Variants in TBC1D5 observed in about 807,000 individuals in gnomAD.
TBC1D5 encodes TBC1 domain family member 5, also known as TBC1 domain family, member 5.
In TBC1D5, 75 loss-of-function variants were observed where a neutral mutation model predicts 100.3. The observed-to-expected ratio is 0.75, with a 90% confidence interval of 0.62 to 0.91. TBC1D5 has a LOEUF of 0.91. Among genes scored for constraint, TBC1D5 ranks in the 40% least tolerant of loss-of-function variants. TBC1D5 has a pLI of 0.00. For synonymous variants in TBC1D5, 323 were observed against 325.6 expected (o/e 0.99, Z 0.09); for missense variants, 910 against 942.4 (o/e 0.97, Z 0.45).
Position 17,451,950 on chromosome 3 carries a change from T to C in TBC1D5, c.98-23431A>G, listed in dbSNP as rs189048560. Among the ~76,000 whole-genome samples, 155 of 151,964 alleles carry C rather than the reference T, an allele frequency of 1.0e-3. 3 individuals carry two copies. The South Asian group carries it at 0.019, about 18-fold the overall frequency. On this transcript the variant is annotated intron_variant, in intron 3 of 21. Coordinates refer to ENST00000253692, the Ensembl canonical transcript of TBC1D5. ...AAGAAAAAAAATTACAAGAAGGTTATAGAACACCAAGCAGATTTAACCCAA... is the reference window on the plus strand; with the variant it reads ...AAGAAAAAAAATTACAAGAAGGTTACAGAACACCAAGCAGATTTAACCCAA...
At chr3:17,538,190 G>A (rs2096304453) in intron 2 of TBC1D5, among the ~76,000 whole-genome samples, 1 of 152,040 alleles carries the variant, frequency 6.6e-6, no homozygotes, top group Non-Finnish European at 1.5e-5. Flanking sequence ...TGAGGTGATA[G>A]TCAGGTGGTT....
chr3:17,270,049 T>A, intron 15 of TBC1D5, among the ~76,000 whole-genome samples: 1 of 152,216 alleles, frequency 6.6e-6, no homozygotes, highest in Admixed American at 6.5e-5. Flanking sequence ...GTTCTATTTT[T>A]AGTTCTTTGA....
At position 17,507,937 on chromosome 3, in the gene TBC1D5, G is replaced by A. The variant is rs558087938; in HGVS notation, c.97+537C>T. Among the ~76,000 whole-genome samples, 36 of 151,090 alleles carry A rather than the reference G, an allele frequency of 2.4e-4. No homozygotes were observed. In the South Asian group the frequency reaches 5.2e-3, roughly 22 times the overall value. On this transcript the variant is annotated intron_variant, in intron 3 of 21. Coordinates refer to ENST00000253692, the Ensembl canonical transcript of TBC1D5. The stretch of plus-strand genomic sequence containing the variant: ...TTTTTATAGGGTAGAACCTGAATAC[G>A]GTCTACATTTTAACTGTCTACCACT...
chr3:17,549,031 C>T (rs1255738212), intron 2 of TBC1D5, among the ~76,000 whole-genome samples: 2 of 152,210 alleles, frequency 1.3e-5, no homozygotes, highest in African/African-American at 4.8e-5. Flanking sequence ...GGCAGGGTGG[C>T]TCATGCCTGC....
Position 17,220,183 on chromosome 3 carries a change from G to T in TBC1D5, c.1589-5813C>A, listed in dbSNP as rs111459355. 5.8e-3 allele frequency among the ~76,000 whole-genome samples: 882 copies of T among 152,190 alleles called. 6 individuals are homozygous for T. Among genetic ancestry groups the T allele is most frequent in the Admixed American group, 0.013 (206 of 15,274 alleles). On this transcript the variant is annotated intron_variant, in intron 17 of 21. Coordinates refer to ENST00000253692, the Ensembl canonical transcript of TBC1D5. ...TCTACAAGGTAGAATTATATAAGTG[G>T]AACTGCTATGTATAACTATATGCAC...
chr3:17,452,909 T>C (rs1292425668), intron 3 of TBC1D5, among the ~76,000 whole-genome samples: 1 of 151,828 alleles, frequency 6.6e-6, no homozygotes, highest in Non-Finnish European at 1.5e-5. Context: ...AGACCATATG[T>C]TAGTTTACAA....
intron 1 of TBC1D5, among the ~76,000 whole-genome samples, chr3:17,683,135 T>C (rs542600858): frequency 2.4e-4 from 36 of 151,750 alleles, no homozygotes; most frequent in African/African-American, 8.0e-4. Flanking sequence ...TTTCTTGTCC[T>C]TTTTATGCAC....
intron 3 of TBC1D5, among the ~76,000 whole-genome samples, chr3:17,456,864 C>T (rs1056491462): frequency 2.0e-5 from 3 of 152,124 alleles, no homozygotes; most frequent in Non-Finnish European, 2.9e-5. Context: ...ACCACAAAAA[C>T]ATTTTGTTAA....
At chr3:17,612,372 T>C (rs1054745690) in intron 2 of TBC1D5, among the ~76,000 whole-genome samples, 7 of 150,796 alleles carry the variant, frequency 4.6e-5, no homozygotes, top group African/African-American at 1.7e-4. Flanking sequence ...CTCATACCTG[T>C]AACCCCAGCA....
chr3:17,191,478 C>T (rs1038505318), intron 18 of TBC1D5, among the ~76,000 whole-genome samples: 13 of 152,244 alleles, frequency 8.5e-5, no homozygotes, highest in Admixed American at 3.3e-4. Flanking sequence ...AGAATAACTC[C>T]CAGGATATTC....
intron 15 of TBC1D5, among the ~76,000 whole-genome samples, chr3:17,273,079 T>C (rs910441269): frequency 1.3e-5 from 2 of 152,178 alleles, no homozygotes; most frequent in African/African-American, 4.8e-5. Flanking sequence ...AATTTCCCCT[T>C]CAATGCGTAC....
chr3:17,485,168 G>A (rs1353817767), intron 3 of TBC1D5, among the ~76,000 whole-genome samples: 1 of 151,834 alleles, frequency 6.6e-6, no homozygotes, highest in Non-Finnish European at 1.5e-5. Flanking sequence ...TAAGGAATGG[G>A]TTTATTTTTT....
At chr3:17,202,556 C>T (rs544222270) in intron 18 of TBC1D5, among the ~76,000 whole-genome samples, 141 of 152,296 alleles carry the variant, frequency 9.3e-4, no homozygotes, top group African/African-American at 3.3e-3. Context: ...TCTCAGAGAC[C>T]TTTGTGGCAG....
intron 18 of TBC1D5, among the ~76,000 whole-genome samples, chr3:17,212,483 T>C (rs1014067493): frequency 1.3e-5 from 2 of 152,166 alleles, no homozygotes; most frequent in African/African-American, 4.8e-5. Context: ...TATTTTATAA[T>C]GTACTTCTAG....
intron 13 of TBC1D5, among the ~76,000 whole-genome samples, chr3:17,321,281 C>A (rs1031562189): frequency 3.3e-5 from 5 of 152,160 alleles, no homozygotes; most frequent in Non-Finnish European, 7.4e-5. Flanking sequence ...CCAGGTTGGT[C>A]TCAAACTCCT....
chr3:17,630,125 TAAG>T (rs1158734112), intron 1 of TBC1D5, among the ~76,000 whole-genome samples: 2 of 152,144 alleles, frequency 1.3e-5, no homozygotes, highest in Non-Finnish European at 2.9e-5. Flanking sequence ...ACTTTTACCT[TAAG>T]AGGAGGAAGT....
chr3:17,348,955 T>A (rs568431833), intron 13 of TBC1D5, among the ~76,000 whole-genome samples: 1 of 152,190 alleles, frequency 6.6e-6, no homozygotes, highest in African/African-American at 2.4e-5. Context: ...GGAATTTAAC[T>A]ACAAATTCTA....
chr3:17,287,089 G>T (rs553810280), intron 15 of TBC1D5, among the ~76,000 whole-genome samples: 9 of 152,292 alleles, frequency 5.9e-5, no homozygotes, highest in African/African-American at 1.9e-4. Flanking sequence ...AGTTCAAGTT[G>T]TATAATTAAT....
At chr3:17,388,826 G>C (rs563056217) in intron 8 of TBC1D5, among the ~76,000 whole-genome samples, 88 of 152,086 alleles carry the variant, frequency 5.8e-4, no homozygotes, top group African/African-American at 2.1e-3. Flanking sequence ...TTGTGCCGCT[G>C]CACTTTGGCC....
Sources: allele counts gnomAD v4.1 joint callset (sites outside exome capture counted in the v4.1 genomes callset), GRCh38; gene constraint gnomAD v4.1.1; transcripts MANE v1.5; gene names NCBI Gene and HGNC (gene_info 2026-07-23, HGNC 2026-07-21).